The following GRID2 variants were observed in gnomAD, a reference collection of about 807,000 sequenced individuals.
GRID2 encodes glutamate ionotropic receptor delta type subunit 2, also known as glutamate receptor ionotropic, delta-2.
Under a neutral mutation model 114.8 loss-of-function variants are expected in GRID2, and 33 were observed. That is an observed-to-expected ratio of 0.29 (90% confidence interval 0.22 to 0.38). The LOEUF is 0.38. GRID2 is among the 10% of genes least tolerant of loss of function. GRID2 has a pLI of 1.00. For missense variants in GRID2, 1,184 were observed against 1,257.7 expected (o/e 0.94, Z 0.89); for synonymous variants, 505 against 449.9 (o/e 1.12, Z -1.55).
rs1295191099 is a variant in GRID2, at chr4:92,617,449, C to G, written c.244+27163C>G. 2.0e-5 allele frequency among the ~76,000 whole-genome samples: 3 copies of G among 151,600 alleles called. No homozygotes were observed. In the Admixed American group the frequency reaches 2.0e-4, roughly 10 times the overall value. ...CATTATATAAATTATTTTTGGCTTT[C>G]ATATATGAGTGAGAACATGCAGTGT... On this transcript the variant is annotated intron_variant, in intron 2 of 15. Transcript: ENST00000282020.
intron 2 of GRID2, among the ~76,000 whole-genome samples, chr4:93,058,284 C>A (rs1442383087): frequency 6.6e-6 from 1 of 151,958 alleles, no homozygotes; most frequent in African/African-American, 2.4e-5. Flanking sequence ...TGAATATTTG[C>A]TGACCAGTAT....
At chr4:93,103,725 G>C (rs1359535943) in intron 3 of GRID2, among the ~76,000 whole-genome samples, 1 of 151,958 alleles carries the variant, frequency 6.6e-6, no homozygotes, top group Non-Finnish European at 1.5e-5. Context: ...AGAGGAGAGA[G>C]AATTCATAAT....
intron 14 of GRID2, among the ~76,000 whole-genome samples, chr4:93,700,295 A>G (rs1452109623): frequency 6.6e-6 from 1 of 152,166 alleles, no homozygotes; most frequent in Non-Finnish European, 1.5e-5. Context: ...ATTGCTGTAT[A>G]TAAATAAAAC....
chr4:93,602,410 A>C (rs1377217996), intron 13 of GRID2, among the ~76,000 whole-genome samples: 1 of 152,190 alleles, frequency 6.6e-6, no homozygotes, highest in Non-Finnish European at 1.5e-5. Context: ...CAGTAAATTA[A>C]AGGTTTGCAG....
intron 2 of GRID2, among the ~76,000 whole-genome samples, chr4:92,634,812 A>G (rs1378104953): frequency 1.4e-5 from 2 of 145,006 alleles, no homozygotes; most frequent in Non-Finnish European, 3.0e-5. Context: ...ATTTCAGTGT[A>G]ATATCTAAAA....
chr4:92,524,162 G>A (rs992869550), intron 1 of GRID2, among the ~76,000 whole-genome samples: 1 of 151,968 alleles, frequency 6.6e-6, no homozygotes. Flanking sequence ...AACAAGGGTT[G>A]AGTACAAACT....
chr4:92,808,953 C>T (rs923776634), intron 2 of GRID2, among the ~76,000 whole-genome samples: 1 of 151,708 alleles, frequency 6.6e-6, no homozygotes. Context: ...TTTGGTCAAA[C>T]AAATTTACAA....
chr4:92,917,209 T>C (rs1028850060), intron 2 of GRID2, among the ~76,000 whole-genome samples: 11 of 152,262 alleles, frequency 7.2e-5, no homozygotes, highest in African/African-American at 2.6e-4. Flanking sequence ...ATGGGGTTGT[T>C]TGTTTTTTTC....
intron 2 of GRID2, among the ~76,000 whole-genome samples, chr4:92,741,230 A>G (rs967706576): frequency 3.3e-5 from 5 of 152,096 alleles, no homozygotes; most frequent in Admixed American, 2.6e-4. Context: ...GATTATTCCT[A>G]TCTCATAGAT....
rs760239337 is a variant in GRID2 at position 92,590,764 on chromosome 4, C to T, written c.244+478C>T. On this transcript the variant is annotated intron_variant, in intron 2 of 15. Coordinates refer to ENST00000282020, the MANE Select transcript of GRID2 (RefSeq NM_001510.4). ...ATTAGGACTCTAACATACTGACCTA[C>T]GCTATAAATTTTACTCTCTACGAGG... Among the ~76,000 whole-genome samples the T allele has an allele frequency of 1.1e-4, 16 of 152,248 alleles. No homozygotes were observed. The East Asian group carries it at 2.7e-3, about 26-fold the overall frequency.
intron 1 of GRID2, among the ~76,000 whole-genome samples, chr4:92,336,644 T>A (rs1178740025): frequency 6.6e-6 from 1 of 152,242 alleles, no homozygotes. Flanking sequence ...CTACTGTGCT[T>A]AAAATCTGTA....
At chr4:92,442,214 G>A (rs1221878174) in intron 1 of GRID2, among the ~76,000 whole-genome samples, 1 of 151,148 alleles carries the variant, frequency 6.6e-6, no homozygotes, top group Non-Finnish European at 1.5e-5. Flanking sequence ...CGAGGCGATC[G>A]GGCGGTGTTA....
chr4:93,543,149 C>T (rs1196395712), intron 13 of GRID2, among the ~76,000 whole-genome samples: 2 of 152,136 alleles, frequency 1.3e-5, no homozygotes, highest in African/African-American at 2.4e-5. Context: ...GAAAAACACC[C>T]TACTTTTGCT....
intron 8 of GRID2, chr4:93,282,458 A>G: frequency 2.4e-6 from 1 of 415,794 alleles, no homozygotes; most frequent in Non-Finnish European, 4.7e-6. Flanking sequence ...GGAAGAAAAC[A>G]TAAGAGCAGA....
At chr4:92,713,514 T>C (rs1579898968) in intron 2 of GRID2, among the ~76,000 whole-genome samples, 1 of 126,034 alleles carries the variant, frequency 7.9e-6, no homozygotes, top group Non-Finnish European at 1.6e-5. Flanking sequence ...TATATATATA[T>C]ATATTACCAA....
intron 1 of GRID2, among the ~76,000 whole-genome samples, chr4:92,350,920 A>T (rs185534374): frequency 6.6e-6 from 1 of 151,852 alleles, no homozygotes; most frequent in African/African-American, 2.4e-5. Flanking sequence ...AAATGGAATC[A>T]TATAATACGT....
chr4:92,923,907 C>T (rs1459609917), intron 2 of GRID2, among the ~76,000 whole-genome samples: 4 of 152,054 alleles, frequency 2.6e-5, no homozygotes, highest in Non-Finnish European at 4.4e-5. Flanking sequence ...GGGTATATAC[C>T]CAAAGGATTA....
intron 2 of GRID2, among the ~76,000 whole-genome samples, chr4:92,715,740 C>T (rs1735513764): frequency 6.6e-6 from 1 of 152,210 alleles, no homozygotes; most frequent in South Asian, 2.1e-4. Context: ...AAAAAACTGG[C>T]CCAGTGATTC....
intron 9 of GRID2, among the ~76,000 whole-genome samples, chr4:93,417,892 G>A (rs1017309319): frequency 9.3e-5 from 14 of 151,038 alleles, no homozygotes; most frequent in African/African-American, 3.2e-4. Flanking sequence ...TTCCACATTT[G>A]AGCTATTACA....
Sources: gnomAD v4.1 joint callset for allele counts (sites outside exome capture counted in the v4.1 genomes callset) on GRCh38, gnomAD v4.1.1 for gene constraint, MANE v1.5 for transcripts, NCBI Gene and HGNC (gene_info 2026-07-23, HGNC 2026-07-21) for gene names.